DTWD1: variants seen among roughly 807,000 people sequenced by gnomAD.
The protein encoded by DTWD1 is DTW motif tRNA-uridine aminocarboxypropyltransferase 1.
Under a neutral mutation model 30.2 loss-of-function variants are expected in DTWD1, and 27 were observed. That is an observed-to-expected ratio of 0.90 (90% CI 0.66 to 1.23). The LOEUF is 1.23. Among genes scored for constraint, DTWD1 ranks in the 50% most tolerant of loss-of-function variants. The pLI is 0.00. For synonymous variants in DTWD1, 99 were observed against 113.1 expected (o/e 0.88, Z 0.79); for missense variants, 342 against 348.8 (o/e 0.98, Z 0.15).
intron 1 of DTWD1, among the ~76,000 whole-genome samples, chr15:49,622,962 T>C (rs528679660): frequency 6.6e-6 from 1 of 152,368 alleles, no homozygotes; most frequent in East Asian, 1.9e-4. Flanking sequence ...GTTATGTGGA[T>C]AGCAGGTCCA....
At chr15:49,630,268 A>G (rs555662910) in intron 2 of DTWD1, among the ~76,000 whole-genome samples, 2 of 152,304 alleles carry the variant, frequency 1.3e-5, no homozygotes, top group East Asian at 3.9e-4. Flanking sequence ...GGATTCAAGA[A>G]TTTAACATAT....
chr15:49,639,074 A>C (rs1481584733), intron 4 of DTWD1, among the ~76,000 whole-genome samples: 1 of 152,142 alleles, frequency 6.6e-6, no homozygotes, highest in East Asian at 1.9e-4. Flanking sequence ...CTTTATTCAT[A>C]TTATAAGCTT....
intron 2 of DTWD1, among the ~76,000 whole-genome samples, chr15:49,631,601 A>C (rs1027214976): frequency 1.3e-5 from 2 of 151,914 alleles, no homozygotes; most frequent in African/African-American, 4.8e-5. Flanking sequence ...TGTCTCTACT[A>C]AAAAAATACA....
rs189683317 is a variant in DTWD1, at chr15:49,653,936, A to C, written c.*10358A>C. On this transcript the variant is annotated 3_prime_UTR_variant, in exon 5 of 5. Transcript: ENST00000403028. ...TCCCAGAGGGAGGAGCCAAGAAGCA[A>C]GGAGAGCAATGGATTAGGAAACCAC... 2.6e-5 allele frequency: 4 copies of C among 152,306 alleles called. No homozygotes were observed. Among genetic ancestry groups the C allele is most frequent in the African/African-American group, 9.6e-5 (4 of 41,586 alleles). 9.4% of individuals were successfully genotyped at this position (152,306 alleles called of 1,614,324 possible).
intron 2 of DTWD1, among the ~76,000 whole-genome samples, chr15:49,628,339 A>G (rs559340900): frequency 1.4e-4 from 22 of 152,352 alleles, no homozygotes; most frequent in Middle Eastern, 3.4e-3. Flanking sequence ...TGTACTCTAA[A>G]ACTAAAAAAA....
intron 2 of DTWD1, among the ~76,000 whole-genome samples, chr15:49,626,475 G>A (rs1041800123): frequency 2.0e-5 from 3 of 152,018 alleles, no homozygotes; most frequent in Non-Finnish European, 4.4e-5. Flanking sequence ...TCTGTAGAAC[G>A]TCATGTCTAC....
chr15:49,634,594 T>G lies in DTWD1; in HGVS notation c.467T>G (p.Leu156Arg), dbSNP rs753775636. ...SISIKDISFHLQKRIQNNVRG... is the reference protein window; with the variant it reads ...SISIKDISFHRQKRIQNNVRG... ...TCAATAAAAGATATTTCTTTTCATCTGCAAAAAAGGATTCAAAATAATGTT... is the reference window on the plus strand; with the variant it reads ...TCAATAAAAGATATTTCTTTTCATCGGCAAAAAAGGATTCAAAATAATGTT... Residue 156 changes from leucine to arginine, a missense_variant, in exon 4 of 5, where the codon CTG (leucine) becomes CGG (arginine). Transcript: ENST00000403028. 1 of 1,613,546 alleles carries G rather than the reference T, an allele frequency of 6.2e-7. No individual in the cohort carries two copies. The highest frequency in any genetic ancestry group is 2.2e-5 in the East Asian group (1 of 44,816).
intron 1 of DTWD1, among the ~76,000 whole-genome samples, chr15:49,624,865 C>T (rs527328743): frequency 6.6e-6 from 1 of 152,292 alleles, no homozygotes; most frequent in Admixed American, 6.5e-5. Flanking sequence ...ACAAAACTGC[C>T]ATCTCTGGAA....
intron 3 of DTWD1, among the ~76,000 whole-genome samples, chr15:49,633,996 T>G (rs1183474785): frequency 1.3e-5 from 2 of 152,320 alleles, no homozygotes; most frequent in Admixed American, 1.3e-4. Context: ...TTTTATTACA[T>G]TCACATAATG....
intron 2 of DTWD1, 187 bp downstream of exon 2, chr15:49,625,618 G>T: frequency 1.6e-6 from 1 of 619,976 alleles, no homozygotes; most frequent in Non-Finnish European, 2.7e-6. Flanking sequence ...TACTTCTGCA[G>T]AAGGGTGCTG....
rs563776486 is a variant in DTWD1, at chr15:49,652,583, A to T, written c.*9005A>T. ...GGAAATCTAGAATTGATAGTGGAGG[A>T]TGAGGGGATGTGACAAGTATTGATG... On this transcript the variant is annotated 3_prime_UTR_variant, in exon 5 of 5. Coordinates refer to ENST00000403028, the MANE Select transcript of DTWD1 (RefSeq NM_001144955.2). The T allele has an allele frequency of 3.8e-5, 5 of 131,066 alleles. No individual in the cohort carries two copies. The highest frequency in any genetic ancestry group is 2.1e-4 in the African/African-American group (5 of 24,002). The allele number at this position is 131,066 out of a possible 1,614,324, so 8.1% of individuals were successfully genotyped here.
intron 3 of DTWD1, among the ~76,000 whole-genome samples, chr15:49,632,583 C>T (rs1439662472): frequency 6.6e-6 from 1 of 152,084 alleles, no homozygotes; most frequent in African/African-American, 2.4e-5. Context: ...CTGCTTTTAC[C>T]TTTTCTCCTC....
Position 49,645,405 on chromosome 15 carries a change from AG to A in DTWD1, c.*1829del, listed in dbSNP as rs771750494. ...CATAAAAAGGAATGTGGATTATATA[AG>A]GCTTGAACATTATTAGTCTTACAGT... On this transcript the variant is annotated 3_prime_UTR_variant, in exon 5 of 5. Coordinates refer to ENST00000403028, the MANE Select transcript of DTWD1 (RefSeq NM_001144955.2). 1.3e-4 allele frequency: 20 copies of A among 152,178 alleles called. No homozygotes were observed. The highest frequency in any genetic ancestry group is 2.6e-4 in the Admixed American group (4 of 15,262). The allele number at this position is 152,178 out of a possible 1,614,324, so 9.4% of individuals were successfully genotyped here. A position where few individuals can be genotyped will look rare whatever the true frequency, so the allele number is the denominator to read the frequency against.
At chr15:49,642,483 A>T (rs2079076895) in intron 4 of DTWD1, among the ~76,000 whole-genome samples, 1 of 152,212 alleles carries the variant, frequency 6.6e-6, no homozygotes, top group South Asian at 2.1e-4. Flanking sequence ...ACAAACAAGC[A>T]AACAAAAGAA....
chr15:49,623,370 G>A (rs145813690), intron 1 of DTWD1, among the ~76,000 whole-genome samples: 2 of 151,980 alleles, frequency 1.3e-5, no homozygotes, highest in East Asian at 1.9e-4. Context: ...GCAAAGAGAC[G>A]CCAACAGAGC....
At chr15:49,623,346 G>A (rs1223010926) in intron 1 of DTWD1, among the ~76,000 whole-genome samples, 1 of 152,076 alleles carries the variant, frequency 6.6e-6, no homozygotes, top group Non-Finnish European at 1.5e-5. Context: ...GTGAAACTTA[G>A]CTTCGTATGT....
In DTWD1 at chr15:49,651,156, CATA is replaced by C. The variant is rs2153354879; in HGVS notation, c.*7579_*7581del. On this transcript the variant is annotated 3_prime_UTR_variant, in exon 5 of 5. Transcript: ENST00000403028. ...TGTAGAAAGAGGGCTTCTTTGGTTG[CATA>C]CAAATCTCATCTAGAATTTAATAGT... 1 of 152,268 alleles carries C rather than the reference CATA, an allele frequency of 6.6e-6. No individual in the cohort carries two copies. The highest frequency in any genetic ancestry group is 6.5e-5 in the Admixed American group (1 of 15,296). 9.4% of individuals were successfully genotyped at this position (152,268 alleles called of 1,614,324 possible).
intron 4 of DTWD1, among the ~76,000 whole-genome samples, chr15:49,638,868 CAGGT>C (rs1255667061): frequency 1.3e-5 from 2 of 152,092 alleles, no homozygotes; most frequent in Non-Finnish European, 2.9e-5. Context: ...CCTAAACCTA[CAGGT>C]GAAGAATGAT....
rs1453669171 is a variant in DTWD1, at chr15:49,653,414, C to CTAACATCTTG, written c.*9836_*9837insTAACATCTTG. ...TTTCCAGAGTGTCCAGAAAGGAATG[C>CTAACATCTTG]AGTTCAGCTAACATCTTGATTTTAG... is the stretch of plus-strand genomic sequence containing the variant. On this transcript the variant is annotated 3_prime_UTR_variant, in exon 5 of 5. Coordinates refer to ENST00000403028, the MANE Select transcript of DTWD1 (RefSeq NM_001144955.2). 8.5e-5 allele frequency: 13 copies of CTAACATCTTG among 152,204 alleles called. No homozygotes were observed. The East Asian group carries it at 2.5e-3, about 29-fold the overall frequency. 9.4% of individuals were successfully genotyped at this position (152,204 alleles called of 1,614,324 possible).
Sources: gnomAD v4.1 joint callset for allele counts (sites outside exome capture counted in the v4.1 genomes callset) on GRCh38, gnomAD v4.1.1 for gene constraint, MANE v1.5 for transcripts, NCBI Gene and HGNC (gene_info 2026-07-23, HGNC 2026-07-21) for gene names.